The following RBFOX1 variants were observed in gnomAD, a reference collection of about 807,000 sequenced individuals.
The protein encoded by RBFOX1 is RNA binding fox-1 homolog 1.
A neutral mutation model predicts 57.7 loss-of-function variants in RBFOX1; 8 were observed. The observed-to-expected ratio is 0.14, with a 90% CI of 0.08 to 0.25. RBFOX1 has a LOEUF of 0.25. Ranked by LOEUF, RBFOX1 falls within the 10% of genes least tolerant of loss-of-function variation. The pLI, the probability that RBFOX1 is intolerant of heterozygous loss-of-function variation, is 1.00. For synonymous variants in RBFOX1, 326 were observed against 222.4 expected, an observed-to-expected ratio of 1.47 and a Z score of -4.15; for missense variants, 611 against 548.5, an observed-to-expected ratio of 1.11 and a Z score of -1.14.
intron 2 of RBFOX1, among the ~76,000 whole-genome samples, chr16:6,398,873 C>T (rs1467493345): frequency 2.6e-5 from 4 of 152,220 alleles, no homozygotes; most frequent in Admixed American, 2.0e-4. Context: ...AGGCGGTGCT[C>T]CAGTGGGACT....
intron 2 of RBFOX1, among the ~76,000 whole-genome samples, chr16:6,340,120 A>T (rs2084337819): frequency 6.6e-6 from 1 of 152,186 alleles, no homozygotes. Flanking sequence ...ATTAATACTT[A>T]ATTATGACCA....
intron 4 of RBFOX1, among the ~76,000 whole-genome samples, chr16:7,354,587 T>C (rs939807180): frequency 1.3e-5 from 2 of 152,158 alleles, no homozygotes; most frequent in African/African-American, 2.4e-5. Flanking sequence ...GTGAAATGCT[T>C]AGGATTTCAT....
At chr16:7,010,788 C>G (rs1455976145) in intron 3 of RBFOX1, among the ~76,000 whole-genome samples, 2 of 152,104 alleles carry the variant, frequency 1.3e-5, no homozygotes, top group Non-Finnish European at 2.9e-5. Flanking sequence ...TGGTCTCAAA[C>G]TCCTGGCCTC....
chr16:6,326,070 CTT>C (rs1385609498), intron 2 of RBFOX1, among the ~76,000 whole-genome samples: 1 of 152,154 alleles, frequency 6.6e-6, no homozygotes, highest in East Asian at 1.9e-4. Context: ...TCGGTTAACT[CTT>C]ATTGAACCTC....
intron 3 of RBFOX1, among the ~76,000 whole-genome samples, chr16:6,919,089 C>G (rs1354733686): frequency 6.6e-6 from 1 of 152,154 alleles, no homozygotes. Context: ...AAGCCATTCT[C>G]CTGTCTCAGC....
intron 3 of RBFOX1, among the ~76,000 whole-genome samples, chr16:6,665,753 C>T (rs2098728660): frequency 6.7e-6 from 1 of 150,318 alleles, no homozygotes; most frequent in South Asian, 2.1e-4. Context: ...TACTACATGC[C>T]ATAGACCATT....
intron 4 of RBFOX1, among the ~76,000 whole-genome samples, chr16:7,412,941 C>A (rs1597802742): frequency 1.3e-5 from 2 of 152,276 alleles, no homozygotes; most frequent in African/African-American, 2.4e-5. Flanking sequence ...ACTCGGGAGG[C>A]TGAGGCAGGA....
At chr16:6,767,517 A>T (rs60675020) in intron 3 of RBFOX1, among the ~76,000 whole-genome samples, 6,730 of 152,214 alleles carry the variant, frequency 0.044, 422 homozygotes, top group East Asian at 0.28. Flanking sequence ...CCAGTGTTTT[A>T]ATTTAAAACC....
intron 4 of RBFOX1, among the ~76,000 whole-genome samples, chr16:5,935,166 A>C (rs1302765583): frequency 6.6e-6 from 1 of 152,190 alleles, no homozygotes; most frequent in East Asian, 1.9e-4. Flanking sequence ...TTATCTTTAT[A>C]ATTTTTCCCA....
chr16:6,524,201 T>C (rs1179763974), intron 2 of RBFOX1, among the ~76,000 whole-genome samples: 1 of 152,214 alleles, frequency 6.6e-6, no homozygotes, highest in Non-Finnish European at 1.5e-5. Context: ...GTGAGTTCTA[T>C]CATTTTTATT....
chr16:7,230,285 G>A (rs190333228), intron 4 of RBFOX1, among the ~76,000 whole-genome samples: 9 of 152,186 alleles, frequency 5.9e-5, no homozygotes, highest in Admixed American at 2.0e-4. Context: ...AGTACCTGCC[G>A]TCGTTGTCTA....
At chr16:7,263,572 T>G (rs2095008379) in intron 4 of RBFOX1, among the ~76,000 whole-genome samples, 1 of 151,782 alleles carries the variant, frequency 6.6e-6, no homozygotes, top group Non-Finnish European at 1.5e-5. Context: ...AGCTCCATAA[T>G]AAAAGGATGG....
chr16:7,673,642 A>T (rs1190673723), intron 13 of RBFOX1, among the ~76,000 whole-genome samples: 1 of 152,142 alleles, frequency 6.6e-6, no homozygotes, highest in East Asian at 1.9e-4. Flanking sequence ...AACAAAGGAA[A>T]CTTCTCAGTC....
chr16:7,530,525 A>C (rs973030389), intron 5 of RBFOX1, among the ~76,000 whole-genome samples: 1 of 151,282 alleles, frequency 6.6e-6, no homozygotes, highest in East Asian at 1.9e-4. Context: ...AAAAGTCTTC[A>C]TTTTATCTAG....
At chr16:7,636,193 A>T (rs1416403652) in intron 11 of RBFOX1, among the ~76,000 whole-genome samples, 1 of 152,218 alleles carries the variant, frequency 6.6e-6, no homozygotes, top group Non-Finnish European at 1.5e-5. Flanking sequence ...CATCCATTCT[A>T]CACTTAACAT....
At chr16:5,928,183 T>C (rs1447297090) in intron 4 of RBFOX1, among the ~76,000 whole-genome samples, 1 of 152,156 alleles carries the variant, frequency 6.6e-6, no homozygotes, top group Non-Finnish European at 1.5e-5. Context: ...AGCCTTGATC[T>C]CCTGGGCCCA....
At chr16:6,413,920 A>G (rs1361189048) in intron 2 of RBFOX1, among the ~76,000 whole-genome samples, 1 of 152,192 alleles carries the variant, frequency 6.6e-6, no homozygotes. Context: ...GGGGACCTGC[A>G]TTTTAAAGGG....
intron 4 of RBFOX1, among the ~76,000 whole-genome samples, chr16:5,975,421 A>C (rs2060042339): frequency 6.6e-6 from 1 of 152,226 alleles, no homozygotes; most frequent in African/African-American, 2.4e-5. Context: ...ATTACTCAAA[A>C]GCTCATCTGA....
intron 4 of RBFOX1, among the ~76,000 whole-genome samples, chr16:7,287,279 C>G (rs1336945975): frequency 6.6e-6 from 1 of 152,176 alleles, no homozygotes; most frequent in Non-Finnish European, 1.5e-5. Flanking sequence ...GTTTTCCCGA[C>G]AAAGATGCCA....
Sources: gnomAD v4.1 joint callset for allele counts (sites outside exome capture counted in the v4.1 genomes callset) on GRCh38, gnomAD v4.1.1 for gene constraint, MANE v1.5 for transcripts, NCBI Gene and HGNC (gene_info 2026-07-23, HGNC 2026-07-21) for gene names.